STK32B: variants seen among roughly 807,000 people sequenced by gnomAD.
STK32B encodes serine/threonine kinase 32B, also known as serine/threonine-protein kinase 32B.
Under a neutral mutation model 52.6 loss-of-function variants are expected in STK32B, and 43 were observed. The observed-to-expected ratio is 0.82, with a 90% CI of 0.64 to 1.05. The LOEUF (loss-of-function observed/expected upper bound fraction) is 1.05, where lower values mean the gene tolerates loss of function less well. Ranked by LOEUF, STK32B falls within the 50% of genes least tolerant of loss-of-function variation. The probability of loss-of-function intolerance (pLI) is 0.00; values close to 1 mark genes in which losing one functional copy is unlikely to be tolerated. For synonymous variants in STK32B, 238 were observed against 204.3 expected, an observed-to-expected ratio of 1.17 and a Z score of -1.41; for missense variants, 621 against 534.6, an observed-to-expected ratio of 1.16 and a Z score of -1.59.
intron 6 of STK32B, among the ~76,000 whole-genome samples, chr4:5,444,961 A>C (rs138868634): frequency 3.9e-5 from 6 of 152,188 alleles, no homozygotes; most frequent in Non-Finnish European, 7.3e-5. Flanking sequence ...CCATTCCACT[A>C]TGTGGCACTG....
chr4:5,314,957 AG>A (rs1730564942), intron 3 of STK32B, among the ~76,000 whole-genome samples: 1 of 152,216 alleles, frequency 6.6e-6, no homozygotes, highest in African/African-American at 2.4e-5. Context: ...GTATCATAAA[AG>A]TGAAAATTGA....
rs1428543093 is a variant in STK32B, at chr4:5,426,705, A to AAAAAAC, written c.562+9776_562+9777insCAAAAA. ...ACTCCATCTAAACAAAAAAAAAAAA[A>AAAAAAC]AAAAAAAAAGGAAAAGAAAAAAACA... On this transcript the variant is annotated intron_variant, in intron 6 of 11. Transcript: ENST00000282908. Among the ~76,000 whole-genome samples the AAAAAAC allele has an allele frequency of 9.5e-4, 144 of 150,986 alleles. 1 individual carries two copies. Among genetic ancestry groups the AAAAAAC allele is most frequent in the Non-Finnish European group, 1.8e-3 (123 of 67,816 alleles).
intron 11 of STK32B, among the ~76,000 whole-genome samples, chr4:5,493,520 A>C (rs1719931534): frequency 6.6e-6 from 1 of 152,116 alleles, no homozygotes; most frequent in Non-Finnish European, 1.5e-5. Flanking sequence ...TGATCCTTTC[A>C]AAAAACCAGC....
chr4:5,139,791 C>T lies in STK32B; in HGVS notation c.53-114C>T, dbSNP rs1307265842. ...GACGGCTGCTCTGGCAAGTATAGTG[C>T]ACCTGACCCAAGAGCCTTTGGAATA... On this transcript the variant is annotated intron_variant, in intron 1 of 11. Coordinates refer to ENST00000282908, the MANE Select transcript of STK32B (RefSeq NM_018401.3). 6 of 1,183,342 alleles carry T rather than the reference C, an allele frequency of 5.1e-6. No individual in the cohort carries two copies. The East Asian group carries it at 1.4e-4, about 28-fold the overall frequency. The allele number at this position is 1,183,342 out of a possible 1,614,324, so 73.3% of individuals were successfully genotyped here.
At chr4:5,313,301 G>A (rs542669483) in intron 3 of STK32B, among the ~76,000 whole-genome samples, 1 of 152,008 alleles carries the variant, frequency 6.6e-6, no homozygotes, top group South Asian at 2.1e-4. Flanking sequence ...TATATCAATT[G>A]ATGCAGAGAG....
At chr4:5,126,520 C>T (rs1233711456) in intron 1 of STK32B, among the ~76,000 whole-genome samples, 2 of 152,262 alleles carry the variant, frequency 1.3e-5, no homozygotes, top group East Asian at 3.9e-4. Flanking sequence ...CTGTCTAGTG[C>T]TGCCTGGGCA....
At chr4:5,434,021 A>T (rs1713815792) in intron 6 of STK32B, among the ~76,000 whole-genome samples, 1 of 152,180 alleles carries the variant, frequency 6.6e-6, no homozygotes, top group African/African-American at 2.4e-5. Flanking sequence ...TCAAACTTTC[A>T]TTGGCGGAAT....
intron 3 of STK32B, among the ~76,000 whole-genome samples, chr4:5,273,819 A>C (rs546147688): frequency 1.3e-3 from 162 of 128,614 alleles, no homozygotes; most frequent in African/African-American, 3.9e-3. Flanking sequence ...AGGAAGGGGA[A>C]TATCACACTC....
intron 4 of STK32B, among the ~76,000 whole-genome samples, chr4:5,331,905 C>T (rs1001919144): frequency 2.0e-5 from 3 of 152,168 alleles, no homozygotes; most frequent in African/African-American, 7.2e-5. Context: ...CACAGCAGTG[C>T]CATGTCCTAC....
intron 4 of STK32B, among the ~76,000 whole-genome samples, chr4:5,384,717 G>A (rs1736138121): frequency 6.6e-6 from 1 of 152,182 alleles, no homozygotes; most frequent in African/African-American, 2.4e-5. Context: ...GGCTGGGGAA[G>A]TCGGTGATGA....
chr4:5,214,588 G>C (rs1227099476), intron 3 of STK32B, among the ~76,000 whole-genome samples: 1 of 151,954 alleles, frequency 6.6e-6, no homozygotes, highest in African/African-American at 2.4e-5. Context: ...TGCTCTATTT[G>C]TCCAACCCTG....
rs1560126205 is a variant in STK32B, at chr4:5,051,508, G to T, written c.-356G>T. The T allele has an allele frequency of 6.6e-6, 2 of 302,946 alleles. No homozygotes were observed. Among genetic ancestry groups the T allele is most frequent in the Non-Finnish European group, 1.2e-5 (2 of 166,162 alleles). 18.8% of individuals were successfully genotyped at this position (302,946 alleles called of 1,614,324 possible). ...CCCCTCCTTCCCCTGCTCCCGCGCC[G>T]CCTCGCGTCTCCCGCCCGCTGTAGC... On this transcript the variant is annotated 5_prime_UTR_variant, in exon 1 of 12. Transcript: ENST00000282908.
intron 4 of STK32B, among the ~76,000 whole-genome samples, chr4:5,377,580 C>T (rs549388647): frequency 6.6e-6 from 1 of 152,248 alleles, no homozygotes; most frequent in Admixed American, 6.5e-5. Context: ...CCTCTATGTC[C>T]CGACCCCAAT....
chr4:5,126,045 G>T (rs1401238384), intron 1 of STK32B, among the ~76,000 whole-genome samples: 1 of 152,116 alleles, frequency 6.6e-6, no homozygotes, highest in Non-Finnish European at 1.5e-5. Flanking sequence ...CTACACCTCG[G>T]TCAAAAGCCA....
intron 3 of STK32B, among the ~76,000 whole-genome samples, chr4:5,231,408 C>T (rs570802595): frequency 4.6e-5 from 7 of 152,042 alleles, no homozygotes; most frequent in Non-Finnish European, 1.0e-4. Context: ...GCCAGGAGTT[C>T]GAGACCAGCC....
At chr4:5,494,758 TA>T in intron 11 of STK32B, among the ~76,000 whole-genome samples, 1 of 152,238 alleles carries the variant, frequency 6.6e-6, no homozygotes, top group Admixed American at 6.5e-5. Flanking sequence ...GGAGCTCTTT[TA>T]GGGCAGGCCT....
chr4:5,122,507 A>G (rs766062648), intron 1 of STK32B, among the ~76,000 whole-genome samples: 3 of 151,638 alleles, frequency 2.0e-5, no homozygotes, highest in Non-Finnish European at 4.4e-5. Context: ...TCACTCATTT[A>G]CTCATTCATT....
chr4:5,145,861 G>C (rs1022064748), intron 2 of STK32B, among the ~76,000 whole-genome samples: 1 of 152,120 alleles, frequency 6.6e-6, no homozygotes, highest in Non-Finnish European at 1.5e-5. Context: ...AATTTGTTGA[G>C]TGCTTTTGCT....
intron 4 of STK32B, among the ~76,000 whole-genome samples, chr4:5,391,285 CCAGTCACTGG>C (rs1435836507): frequency 6.6e-6 from 1 of 152,072 alleles, no homozygotes; most frequent in Admixed American, 6.5e-5. Context: ...TATAAAGACA[CCAGTCACTGG>C]ATTTAGGGCT....
Sources: allele counts gnomAD v4.1 joint callset (sites outside exome capture counted in the v4.1 genomes callset), GRCh38; gene constraint gnomAD v4.1.1; transcripts MANE v1.5; gene names NCBI Gene and HGNC (gene_info 2026-07-23, HGNC 2026-07-21).